CA12: variants seen among roughly 807,000 people sequenced by gnomAD.
CA12 encodes carbonic anhydrase 12.
A neutral mutation model predicts 46.8 loss-of-function variants in CA12; 36 were observed. That is an observed-to-expected ratio of 0.77 (90% CI 0.59 to 1.02). CA12 has a LOEUF of 1.02. Ranked by LOEUF, CA12 falls within the 50% of genes least tolerant of loss-of-function variation. The probability of loss-of-function intolerance (pLI) is 0.00; values close to 1 mark genes in which losing one functional copy is unlikely to be tolerated. For missense variants in CA12, 436 were observed against 451.4 expected (o/e 0.97, Z 0.31); for synonymous variants, 202 against 187.0 (o/e 1.08, Z -0.65).
In CA12 at chr15:63,326,115, G is replaced by A; in HGVS notation, c.*170C>T. 4.6e-6 allele frequency: 3 copies of A among 657,698 alleles called. No individual in the cohort carries two copies. The highest frequency in any genetic ancestry group is 3.2e-5 in the South Asian group (2 of 62,404). The allele number at this position is 657,698 out of a possible 1,614,324, so 40.7% of individuals were successfully genotyped here. ...TCCATCGATCGGATGGCTCTGGGGT[G>A]GCCATGGTCCCAAGGCAAGGAGGCA... On this transcript the variant is annotated 3_prime_UTR_variant, in exon 11 of 11. Transcript: ENST00000178638.
In CA12 at chr15:63,381,085, C is replaced by A. The variant is rs190446640; in HGVS notation, c.85+551G>T. On this transcript the variant is annotated intron_variant, in intron 1 of 10. Coordinates refer to ENST00000178638, the MANE Select transcript of CA12 (RefSeq NM_001218.5). ...GCGTGTGTGTGTGTACGTGCACACA[C>A]ACGTACATTCAGCATAGTAGAGCCC... is the stretch of plus-strand genomic sequence containing the variant. Among the ~76,000 whole-genome samples, 729 of 152,120 alleles carry A rather than the reference C, an allele frequency of 4.8e-3. 7 individuals are homozygous for A. The highest frequency in any genetic ancestry group is 0.017 in the African/African-American group (713 of 41,484).
At chr15:63,360,331 A>G (rs915490136) in intron 2 of CA12, among the ~76,000 whole-genome samples, 2 of 152,200 alleles carry the variant, frequency 1.3e-5, no homozygotes, top group Non-Finnish European at 2.9e-5. Flanking sequence ...CCTGTCCAAC[A>G]TTTACCTCTG....
rs775230112 is a variant in CA12 at position 63,341,959 on chromosome 15, C to A, written c.525+43G>T. The A allele has an allele frequency of 7.3e-6, 10 of 1,376,980 alleles. No homozygotes were observed. Among genetic ancestry groups the A allele is most frequent in the Non-Finnish European group, 9.3e-6 (9 of 965,958 alleles). 85.3% of individuals were successfully genotyped at this position (1,376,980 alleles called of 1,614,324 possible). ...CAAAAGGTGGAATCCCAATCTCATCCCTGCTTCAAATTTCACCTAAGAACC... is the reference window on the plus strand; with the variant it reads ...CAAAAGGTGGAATCCCAATCTCATCACTGCTTCAAATTTCACCTAAGAACC... On this transcript the variant is annotated intron_variant, in intron 5 of 10. Transcript: ENST00000178638. The surrounding 1 kb of genome is among the most constrained non-coding windows in gnomAD (Gnocchi z 5.2).
At chr15:63,346,119 T>C (rs1406307465) in intron 3 of CA12, among the ~76,000 whole-genome samples, 1 of 152,232 alleles carries the variant, frequency 6.6e-6, no homozygotes, top group African/African-American at 2.4e-5. Flanking sequence ...AATTCTCACC[T>C]AGATTCTCAT....
At position 63,337,958 on chromosome 15, in the gene CA12, A is replaced by G. The variant is rs144336279; in HGVS notation, c.874+861T>C. On this transcript the variant is annotated intron_variant, in intron 8 of 10. Coordinates refer to ENST00000178638, the MANE Select transcript of CA12 (RefSeq NM_001218.5). ...CACAGACCAGCCATGAAGATTCCCA[A>G]GCTGGGAAGCAGTCGAGAATCTACA... Among the ~76,000 whole-genome samples the G allele has an allele frequency of 2.2e-3, 339 of 152,292 alleles. 2 individuals carry two copies. The highest frequency in any genetic ancestry group is 7.9e-3 in the African/African-American group (327 of 41,570).
chr15:63,335,602 T>C (rs1006689556), intron 8 of CA12, among the ~76,000 whole-genome samples: 1 of 151,180 alleles, frequency 6.6e-6, no homozygotes, highest in African/African-American at 2.4e-5. Flanking sequence ...GTGCTGGGAT[T>C]ACAAGCATGA....
chr15:63,340,860 G>C lies in CA12; in HGVS notation c.526-77C>G. On this transcript the variant is annotated intron_variant, in intron 5 of 10. Transcript: ENST00000178638. This position sits in a 1 kb window ranked among gnomAD's most constrained non-coding sequence, Gnocchi z 4.4. ...CCAGGATTGACGATTGCTATCAGAA[G>C]GGCAAAGCTGTGGGTATGTTGCCAC... 7.8e-7 allele frequency: 1 copy of C among 1,289,852 alleles called. No individual in the cohort carries two copies. The highest frequency in any genetic ancestry group is 1.2e-5 in the South Asian group (1 of 83,382). The allele number at this position is 1,289,852 out of a possible 1,614,324, so 79.9% of individuals were successfully genotyped here. A position where few individuals can be genotyped will look rare whatever the true frequency, so the allele number is the denominator to read the frequency against.
At chr15:63,366,689 A>G (rs2039438736) in intron 2 of CA12, among the ~76,000 whole-genome samples, 3 of 152,246 alleles carry the variant, frequency 2.0e-5, no homozygotes, top group African/African-American at 7.2e-5. Flanking sequence ...ATTAATAACA[A>G]GTGGGAAATT....
Position 63,330,733 on chromosome 15 carries a change from G to A in CA12, c.875-2603C>T, listed in dbSNP as rs1479626228. Among the ~76,000 whole-genome samples the A allele has an allele frequency of 6.6e-6, 1 of 152,190 alleles. No homozygotes were observed. The highest frequency in any genetic ancestry group is 2.4e-5 in the African/African-American group (1 of 41,446). On this transcript the variant is annotated intron_variant, in intron 8 of 10. Coordinates refer to ENST00000178638, the MANE Select transcript of CA12 (RefSeq NM_001218.5). This position sits in a 1 kb window ranked among gnomAD's most constrained non-coding sequence, Gnocchi z 4.0. ...TGCCCTGCGTGGTGGCTTCTCTGGA[G>A]GGAGAGTCTGGCTTCCCCCGGTTAT...
chr15:63,350,677 C>G (rs1382977900), intron 2 of CA12, among the ~76,000 whole-genome samples: 2 of 152,214 alleles, frequency 1.3e-5, no homozygotes, highest in Non-Finnish European at 2.9e-5. Flanking sequence ...CAAAATGCCT[C>G]TCGTGATTTC....
intron 2 of CA12, among the ~76,000 whole-genome samples, chr15:63,354,776 G>T: frequency 6.6e-6 from 1 of 152,168 alleles, no homozygotes; most frequent in Non-Finnish European, 1.5e-5. Flanking sequence ...TGGGGGCCAG[G>T]AGTGCAGGCT....
chr15:63,340,824 G>A lies in CA12; in HGVS notation c.526-41C>T, dbSNP rs368224069. 1.3e-6 allele frequency: 2 copies of A among 1,570,604 alleles called. No homozygotes were observed. Among genetic ancestry groups the A allele is most frequent in the East Asian group, 4.5e-5 (2 of 44,678 alleles). ...GGCAGGTTAAACTGGGACAGAACAG[G>A]ATAGGCTGAGCCAGGATTGACGATT... On this transcript the variant is annotated intron_variant, in intron 5 of 10. Coordinates refer to ENST00000178638, the MANE Select transcript of CA12 (RefSeq NM_001218.5). The surrounding 1 kb of genome is among the most constrained non-coding windows in gnomAD (Gnocchi z 4.4).
rs1181224718 is a variant in CA12 at position 63,378,833 on chromosome 15, C to T, written c.85+2803G>A. ...AGAGGAGTTCACCCTTACTTTTCCC[C>T]TGAGGAGGCACAGGCCACTCCAGTG... On this transcript the variant is annotated intron_variant, in intron 1 of 10. Coordinates refer to ENST00000178638, the MANE Select transcript of CA12 (RefSeq NM_001218.5). This position sits in a 1 kb window ranked among gnomAD's most constrained non-coding sequence, Gnocchi z 4.8. 1 of 152,266 alleles carries T rather than the reference C, an allele frequency of 6.6e-6. No individual in the cohort carries two copies. Among genetic ancestry groups the T allele is most frequent in the Non-Finnish European group, 1.5e-5 (1 of 68,064 alleles). The allele number at this position is 152,266 out of a possible 1,614,324, so 9.4% of individuals were successfully genotyped here. A position where few individuals can be genotyped will look rare whatever the true frequency, so the allele number is the denominator to read the frequency against.
intron 2 of CA12, among the ~76,000 whole-genome samples, chr15:63,352,314 C>A (rs1002275542): frequency 1.3e-5 from 2 of 152,238 alleles, no homozygotes; most frequent in African/African-American, 4.8e-5. Context: ...GCCTTGGCCT[C>A]CCAAAGTGCT....
intron 8 of CA12, among the ~76,000 whole-genome samples, chr15:63,336,635 C>A (rs1203711955): frequency 6.7e-6 from 1 of 149,846 alleles, no homozygotes; most frequent in African/African-American, 2.5e-5. Flanking sequence ...ACTGCAACCT[C>A]CACCTCCCGG....
At chr15:63,358,510 A>C (rs1449109790) in intron 2 of CA12, among the ~76,000 whole-genome samples, 1 of 152,172 alleles carries the variant, frequency 6.6e-6, no homozygotes, top group Non-Finnish European at 1.5e-5. Flanking sequence ...GGTGCTTTTC[A>C]TCACTGGTAC....
chr15:63,378,614 AAAT>A lies in CA12; in HGVS notation c.86-2939_86-2937del, dbSNP rs1229390458. 6.6e-6 allele frequency: 1 copy of A among 151,810 alleles called. No individual in the cohort carries two copies. The highest frequency in any genetic ancestry group is 2.0e-4 in the East Asian group (1 of 4,928). 9.4% of individuals were successfully genotyped at this position (151,810 alleles called of 1,614,324 possible). Reference sequence around the variant, plus strand: ...CCTTTGCTGAAACAACAATGAAAAAAAATAAAGAAAGCATTGCTTTCAAACCAA... The same window carrying A: ...CCTTTGCTGAAACAACAATGAAAAAAAAAGAAAGCATTGCTTTCAAACCAA... On this transcript the variant is annotated intron_variant, in intron 1 of 10. Transcript: ENST00000178638. The surrounding 1 kb of genome is among the most constrained non-coding windows in gnomAD (Gnocchi z 4.8).
At chr15:63,334,691 G>A (rs1427193349) in intron 8 of CA12, among the ~76,000 whole-genome samples, 1 of 152,134 alleles carries the variant, frequency 6.6e-6, no homozygotes, top group East Asian at 1.9e-4. Context: ...AAGGGAGAGA[G>A]AAAAAGAATA....
rs1287362663 is a variant in CA12 at position 63,372,223 on chromosome 15, G to A, written c.106+3435C>T. Among the ~76,000 whole-genome samples, 3 of 152,188 alleles carry A rather than the reference G, an allele frequency of 2.0e-5. No homozygotes were observed. Among genetic ancestry groups the A allele is most frequent in the African/African-American group, 4.8e-5 (2 of 41,438 alleles). On this transcript the variant is annotated intron_variant, in intron 2 of 10. Coordinates refer to ENST00000178638, the MANE Select transcript of CA12 (RefSeq NM_001218.5). The surrounding 1 kb of genome is among the most constrained non-coding windows in gnomAD (Gnocchi z 4.5). ...AGCAAGTGAAGCTGCCGGGCTCAGCGGGATTGATGCGGGACTGATTTCCGG... is the reference window on the plus strand; with the variant it reads ...AGCAAGTGAAGCTGCCGGGCTCAGCAGGATTGATGCGGGACTGATTTCCGG...
Sources: gnomAD v4.1 joint callset for allele counts (sites outside exome capture counted in the v4.1 genomes callset) on GRCh38, gnomAD v4.1.1 for gene constraint, Gnocchi (gnomAD v3.1) non-coding constraint, MANE v1.5 for transcripts, NCBI Gene and HGNC (gene_info 2026-07-23, HGNC 2026-07-21) for gene names.